Variants in FBXL7 observed in about 807,000 individuals in gnomAD.
FBXL7 encodes the protein F-box/LRR-repeat protein 7.
In FBXL7, 12 loss-of-function variants were observed where a neutral mutation model predicts 38.3. The ratio of observed to expected loss-of-function variants is 0.31; its 90% CI spans 0.20 to 0.51. The LOEUF is 0.51. Among genes scored for constraint, FBXL7 ranks in the 20% least tolerant of loss-of-function variants. FBXL7 has a pLI of 0.98. For synonymous variants in FBXL7, 297 were observed against 300.9 expected (o/e 0.99, Z 0.13); for missense variants, 567 against 676.4 (o/e 0.84, Z 1.79).
intron 2 of FBXL7, among the ~76,000 whole-genome samples, chr5:15,704,281 A>G (rs1051121402): frequency 2.0e-5 from 3 of 152,222 alleles, no homozygotes; most frequent in Admixed American, 1.3e-4. Flanking sequence ...TCTGTTAATA[A>G]AATGAGAAAT....
chr5:15,904,252 T>A lies in FBXL7; in HGVS notation c.128-23638T>A, dbSNP rs149271237. 2.8e-3 allele frequency among the ~76,000 whole-genome samples: 419 copies of A among 152,334 alleles called. 1 individual carries two copies. Among genetic ancestry groups the A allele is most frequent in the Middle Eastern group, 0.02 (6 of 294 alleles). On this transcript the variant is annotated intron_variant, in intron 2 of 3. Coordinates refer to ENST00000504595, the MANE Select transcript of FBXL7 (RefSeq NM_012304.5). ...CCTACTCGGTTATCTGTTAGTCAAA[T>A]GTAAACAGCAACAGACCCTTTCTGA...
intron 2 of FBXL7, among the ~76,000 whole-genome samples, chr5:15,623,351 T>A (rs1344529618): frequency 6.6e-6 from 1 of 152,228 alleles, no homozygotes; most frequent in Non-Finnish European, 1.5e-5. Flanking sequence ...AGCCTTTCAA[T>A]ATTCAGTTAA....
At chr5:15,617,712 T>G (rs987146802) in intron 2 of FBXL7, among the ~76,000 whole-genome samples, 3 of 152,206 alleles carry the variant, frequency 2.0e-5, no homozygotes, top group African/African-American at 7.2e-5. Flanking sequence ...GTGCTGGGAT[T>G]ACAGGCATGA....
chr5:15,841,749 G>A (rs1319443785), intron 2 of FBXL7, among the ~76,000 whole-genome samples: 1 of 152,238 alleles, frequency 6.6e-6, no homozygotes, highest in East Asian at 1.9e-4. Flanking sequence ...AGCTGTAGCT[G>A]AAAGGGGCCA....
chr5:15,719,060 C>CA (rs1374266005), intron 2 of FBXL7, among the ~76,000 whole-genome samples: 3 of 152,326 alleles, frequency 2.0e-5, no homozygotes, highest in Admixed American at 2.0e-4. Context: ...CTACCAAACT[C>CA]ACAGTACAGC....
chr5:15,801,634 A>AGTGTGTGTGTGT (rs71605509), intron 2 of FBXL7, among the ~76,000 whole-genome samples: 258 of 147,780 alleles, frequency 1.7e-3, no homozygotes, highest in African/African-American at 6.0e-3. Flanking sequence ...AGGGGGAGTC[A>AGTGTGTGTGTGT]GTGTGTGTGT....
intron 1 of FBXL7, among the ~76,000 whole-genome samples, chr5:15,543,792 AT>A (rs1270194983): frequency 7.2e-5 from 11 of 152,324 alleles, no homozygotes; most frequent in Non-Finnish European, 1.3e-4. Flanking sequence ...TGTTATATGC[AT>A]TTCTTTTAAA....
intron 2 of FBXL7, among the ~76,000 whole-genome samples, chr5:15,721,823 T>TTTTATTTATTTATTTATTTA (rs199590835): frequency 4.6e-5 from 7 of 151,306 alleles, no homozygotes; most frequent in African/African-American, 1.7e-4. Context: ...ATAAGAATCC[T>TTTTATTTATTTATTTATTTA]TTTATTTATT....
At chr5:15,585,817 G>A (rs1489461945) in intron 1 of FBXL7, among the ~76,000 whole-genome samples, 1 of 152,194 alleles carries the variant, frequency 6.6e-6, no homozygotes, top group Non-Finnish European at 1.5e-5. Flanking sequence ...ACATGAGCAT[G>A]TATCTTATTA....
intron 2 of FBXL7, among the ~76,000 whole-genome samples, chr5:15,726,373 G>A (rs1744353214): frequency 6.6e-6 from 1 of 152,052 alleles, no homozygotes; most frequent in South Asian, 2.1e-4. Flanking sequence ...TGCTATGATA[G>A]TACCTGTGAG....
intron 2 of FBXL7, among the ~76,000 whole-genome samples, chr5:15,635,902 C>T (rs1342324276): frequency 7.1e-6 from 1 of 141,698 alleles, no homozygotes; most frequent in Non-Finnish European, 1.5e-5. Flanking sequence ...TGGTTCTGAC[C>T]CATTTTTAGC....
At chr5:15,673,978 A>G (rs1742570446) in intron 2 of FBXL7, among the ~76,000 whole-genome samples, 1 of 152,232 alleles carries the variant, frequency 6.6e-6, no homozygotes, top group African/African-American at 2.4e-5. Flanking sequence ...GTAAATCTGC[A>G]ATGTTGGGAA....
intron 2 of FBXL7, among the ~76,000 whole-genome samples, chr5:15,695,220 C>G (rs1188797957): frequency 6.6e-6 from 1 of 152,054 alleles, no homozygotes; most frequent in African/African-American, 2.4e-5. Context: ...CCTCTCTCTT[C>G]AGCTTGTGCA....
intron 2 of FBXL7, among the ~76,000 whole-genome samples, chr5:15,761,616 T>C (rs1221825238): frequency 6.6e-6 from 1 of 152,244 alleles, no homozygotes; most frequent in Non-Finnish European, 1.5e-5. Context: ...CGATCTCTGC[T>C]CACTGCAGCC....
intron 2 of FBXL7, among the ~76,000 whole-genome samples, chr5:15,801,373 C>G (rs1345139860): frequency 1.3e-5 from 2 of 152,020 alleles, no homozygotes; most frequent in African/African-American, 4.8e-5. Flanking sequence ...ACAAAGGGAG[C>G]CACATATATG....
intron 1 of FBXL7, among the ~76,000 whole-genome samples, chr5:15,610,538 T>C (rs1167458239): frequency 2.0e-5 from 3 of 152,176 alleles, no homozygotes; most frequent in Non-Finnish European, 4.4e-5. Flanking sequence ...AATATTCCCC[T>C]TGTTTTTTCC....
At chr5:15,502,245 C>A (rs934817128) in intron 1 of FBXL7, among the ~76,000 whole-genome samples, 13 of 151,884 alleles carry the variant, frequency 8.6e-5, no homozygotes, top group Non-Finnish European at 1.8e-4. Context: ...TTGAACAATC[C>A]CCTGCCCCCA....
intron 1 of FBXL7, among the ~76,000 whole-genome samples, chr5:15,546,407 A>C (rs986613708): frequency 2.6e-5 from 4 of 152,118 alleles, no homozygotes; most frequent in Admixed American, 2.0e-4. Context: ...TCTCTACTAA[A>C]AATACAAAAG....
chr5:15,534,575 T>A (rs1369136891), intron 1 of FBXL7, among the ~76,000 whole-genome samples: 1 of 152,252 alleles, frequency 6.6e-6, no homozygotes, highest in Non-Finnish European at 1.5e-5. Context: ...GAAGGAAATC[T>A]TGGTTGCTTC....
Sources: gnomAD v4.1 joint callset for allele counts (sites outside exome capture counted in the v4.1 genomes callset) on GRCh38, gnomAD v4.1.1 for gene constraint, MANE v1.5 for transcripts, NCBI Gene and HGNC (gene_info 2026-07-23, HGNC 2026-07-21) for gene names.